Variants in EPB41L1 observed in about 807,000 individuals in gnomAD.
EPB41L1 encodes the protein band 4.1-like protein 1.
A neutral mutation model predicts 97.8 loss-of-function variants in EPB41L1; 29 were observed. That is an observed-to-expected ratio of 0.30 (90% CI 0.22 to 0.40). The LOEUF (loss-of-function observed/expected upper bound fraction) is 0.40. Among genes scored for constraint, EPB41L1 ranks in the 10% least tolerant of loss-of-function variants. The pLI is 1.00. For missense variants in EPB41L1, 812 were observed against 1,162.3 expected (o/e 0.70, Z 4.38); for synonymous variants, 383 against 459.2 (o/e 0.83, Z 2.12).
chr20:36,145,956 C>T (rs1291984567), intron 2 of EPB41L1, among the ~76,000 whole-genome samples: 2 of 152,132 alleles, frequency 1.3e-5, no homozygotes, highest in African/African-American at 4.8e-5. Context: ...TTGTAATTCC[C>T]AGCACTATGG....
Position 36,190,540 on chromosome 20 carries a change from A to G in EPB41L1, c.1125-82A>G. 6.3e-7 allele frequency: 1 copy of G among 1,588,112 alleles called. No individual in the cohort carries two copies. Among genetic ancestry groups the G allele is most frequent in the Non-Finnish European group, 8.6e-7 (1 of 1,160,894 alleles). ...TTGTTGTAGTTGGTGGAGTAGTGGG[A>G]TGAAAGGCCAGCTGTGGTCTAACCT... On this transcript the variant is annotated intron_variant, in intron 10 of 21. Coordinates refer to ENST00000338074, the MANE Select transcript of EPB41L1 (RefSeq NM_012156.2). The surrounding 1 kb of genome is among the most constrained non-coding windows in gnomAD (Gnocchi z 5.8).
intron 2 of EPB41L1, among the ~76,000 whole-genome samples, chr20:36,118,223 G>C (rs887455727): frequency 3.6e-4 from 55 of 152,208 alleles, no homozygotes; most frequent in Non-Finnish European, 1.0e-4. Context: ...CAGATGGTGC[G>C]TGCCTATAAT....
At chr20:36,104,858 C>T (rs1443593266) in intron 1 of EPB41L1, among the ~76,000 whole-genome samples, 2 of 152,116 alleles carry the variant, frequency 1.3e-5, no homozygotes, top group Non-Finnish European at 2.9e-5. Flanking sequence ...ACTGGCCTCG[C>T]GCGCTCTGGA....
At position 36,206,463 on chromosome 20, in the gene EPB41L1, G is replaced by A; in HGVS notation, c.1669-3025G>A. On this transcript the variant is annotated intron_variant, in intron 14 of 21. Coordinates refer to ENST00000338074, the MANE Select transcript of EPB41L1 (RefSeq NM_012156.2). This position sits in a 1 kb window ranked among gnomAD's most constrained non-coding sequence, Gnocchi z 5.5. ...ATGAAACTGATACTTCCTTTGCAGA[G>A]AGGAGCTTCTATTTAAATTATGAAG... 7.8e-7 allele frequency: 1 copy of A among 1,289,946 alleles called. No individual in the cohort carries two copies. The highest frequency in any genetic ancestry group is 1.2e-5 in the South Asian group (1 of 81,036). 79.9% of individuals were successfully genotyped at this position (1,289,946 alleles called of 1,614,324 possible). A position where few individuals can be genotyped will look rare whatever the true frequency, so the allele number is the denominator to read the frequency against.
In EPB41L1 at chr20:36,195,938, C is replaced by T. The variant is rs1409747214; in HGVS notation, c.1485+574C>T. Among the ~76,000 whole-genome samples, 1 of 152,224 alleles carries T rather than the reference C, an allele frequency of 6.6e-6. No individual in the cohort carries two copies. The highest frequency in any genetic ancestry group is 1.5e-5 in the Non-Finnish European group (1 of 68,042). ...ACTCCAGTCCTACACCTCCCCCAGG[C>T]AGGGTCGACTACTGCTCCGCTATGG... On this transcript the variant is annotated intron_variant, in intron 13 of 21. Coordinates refer to ENST00000338074, the MANE Select transcript of EPB41L1 (RefSeq NM_012156.2). This position sits in a 1 kb window ranked among gnomAD's most constrained non-coding sequence, Gnocchi z 4.6.
chr20:36,187,638 T>C (rs2061739332), intron 7 of EPB41L1, 38 bp from the exon 8 acceptor site: 2 of 1,583,060 alleles, frequency 1.3e-6, no homozygotes, highest in Non-Finnish European at 1.7e-6. Flanking sequence ...AACCTGGGCC[T>C]TTCCCTTGGT....
At position 36,232,208 on chromosome 20, in the gene EPB41L1, G is replaced by T; in HGVS notation, c.*2868G>T. 1 of 163,288 alleles carries T rather than the reference G, an allele frequency of 6.1e-6. No individual in the cohort carries two copies. The allele number at this position is 163,288 out of a possible 1,614,324, so 10.1% of individuals were successfully genotyped here. On this transcript the variant is annotated 3_prime_UTR_variant, in exon 22 of 22. Coordinates refer to ENST00000338074, the MANE Select transcript of EPB41L1 (RefSeq NM_012156.2). ...GAGAATAGAGACGTTTGTCTTGTCT[G>T]TCTTCAACCTACTTTTCCTTTTCTC... is the stretch of plus-strand genomic sequence containing the variant.
chr20:36,184,246 AAAAG>A (rs2061588426), intron 6 of EPB41L1, among the ~76,000 whole-genome samples: 1 of 152,118 alleles, frequency 6.6e-6, no homozygotes. Flanking sequence ...AAAAAAGAAA[AAAAG>A]AAAAAGAAAT....
At chr20:36,120,860 C>T (rs1047295092) in intron 2 of EPB41L1, among the ~76,000 whole-genome samples, 8 of 152,000 alleles carry the variant, frequency 5.3e-5, no homozygotes, top group African/African-American at 1.5e-4. Flanking sequence ...AGATCCTAAC[C>T]GCCAAGGTAA....
At chr20:36,134,050 C>G (rs1037045175) in intron 2 of EPB41L1, among the ~76,000 whole-genome samples, 3 of 152,076 alleles carry the variant, frequency 2.0e-5, no homozygotes, top group African/African-American at 7.2e-5. Flanking sequence ...GGACTGTAGC[C>G]TATGCTCTTA....
intron 17 of EPB41L1, among the ~76,000 whole-genome samples, chr20:36,216,481 G>A (rs962102591): frequency 1.3e-5 from 2 of 152,238 alleles, no homozygotes; most frequent in Non-Finnish European, 2.9e-5. Flanking sequence ...CTGTCCTGCA[G>A]ACAATGGGGA....
At chr20:36,163,536 T>C (rs1040517023) in intron 1 of EPB41L1, among the ~76,000 whole-genome samples, 1 of 152,164 alleles carries the variant, frequency 6.6e-6, no homozygotes, top group Admixed American at 6.5e-5. Flanking sequence ...CATCAGGTGG[T>C]GGATCAGTCA....
rs778834733 is a variant in EPB41L1 at position 36,194,359 on chromosome 20, A to G, written c.1448A>G (p.Lys483Arg). 1.9e-6 allele frequency: 3 copies of G among 1,608,502 alleles called. No homozygotes were observed. Among genetic ancestry groups the G allele is most frequent in the Non-Finnish European group, 2.5e-6 (3 of 1,177,444 alleles). ...ACTCCAACCAAGATCAAGGAGCTAAAGGTAGGAGCCTGGCTTTCTCATACT... is the reference window on the plus strand; with the variant it reads ...ACTCCAACCAAGATCAAGGAGCTAAGGGTAGGAGCCTGGCTTTCTCATACT... ...VRTPTKIKEL[K>R]PEQETTPRHK... The change falls in exon 12 of 22, where the codon AAG becomes AGG. Residue 483 changes from lysine (K) to arginine (R), a missense_variant and splice_region_variant. By Grantham distance (26) the Lys-to-Arg change is conservative (BLOSUM62 2). Transcript: ENST00000338074.
At chr20:36,136,338 GTTTTTTTTTTT>G (rs60257818) in intron 2 of EPB41L1, among the ~76,000 whole-genome samples, 2 of 113,978 alleles carry the variant, frequency 1.8e-5, no homozygotes, top group South Asian at 6.0e-4. Context: ...GCCCGGCTAA[GTTTTTTTTTTT>G]TTTTTTTTTT....
At chr20:36,157,289 T>G (rs903610654) in intron 1 of EPB41L1, among the ~76,000 whole-genome samples, 1 of 152,156 alleles carries the variant, frequency 6.6e-6, no homozygotes, top group Non-Finnish European at 1.5e-5. Flanking sequence ...GATTACACAA[T>G]CAAAGTGATA....
At chr20:36,107,352 CTGGG>C (rs2058226064) in intron 1 of EPB41L1, among the ~76,000 whole-genome samples, 2 of 150,636 alleles carry the variant, frequency 1.3e-5, no homozygotes, top group African/African-American at 4.9e-5. Flanking sequence ...TCCTGAGTAG[CTGGG>C]ATTACAGATG....
intron 21 of EPB41L1, among the ~76,000 whole-genome samples, chr20:36,222,739 C>G (rs985796898): frequency 3.3e-5 from 5 of 152,144 alleles, no homozygotes; most frequent in African/African-American, 1.2e-4. Flanking sequence ...TCCTCATTAT[C>G]TCCTTGGGCA....
At chr20:36,221,786 T>C in intron 19 of EPB41L1, 78 bp from the exon 20 acceptor site, 1 of 1,215,380 alleles carries the variant, frequency 8.2e-7, no homozygotes, top group Admixed American at 1.7e-5. Flanking sequence ...CCTCGAGAGA[T>C]GATTTGGGTA....
intron 1 of EPB41L1, among the ~76,000 whole-genome samples, chr20:36,108,381 T>C (rs2147560963): frequency 6.6e-6 from 1 of 152,124 alleles, no homozygotes; most frequent in African/African-American, 2.4e-5. Flanking sequence ...CTTTTTAAAA[T>C]GTAGGTACTA....
Sources: allele counts gnomAD v4.1 joint callset (sites outside exome capture counted in the v4.1 genomes callset), GRCh38; gene constraint gnomAD v4.1.1; non-coding constraint Gnocchi (gnomAD v3.1); transcripts MANE v1.5; gene names NCBI Gene and HGNC (gene_info 2026-07-23, HGNC 2026-07-21).